NRXN1: variants seen among roughly 807,000 people sequenced by gnomAD.
NRXN1 encodes the protein neurexin 1.
A neutral mutation model predicts 150.9 loss-of-function variants in NRXN1; 39 were observed. The ratio of observed to expected loss-of-function variants is 0.26; its 90% CI spans 0.20 to 0.34. The LOEUF is 0.34. Ranked by LOEUF, NRXN1 falls within the 10% of genes least tolerant of loss-of-function variation. The pLI is 1.00. For synonymous variants in NRXN1, 924 were observed against 757.0 expected, an observed-to-expected ratio of 1.22 and a Z score of -3.62; for missense variants, 1,815 against 1,949.9, an observed-to-expected ratio of 0.93 and a Z score of 1.30.
rs1223269116 is a variant in NRXN1 at position 51,025,363 on chromosome 2, T to C, written c.772+2139A>G. 5.3e-5 allele frequency among the ~76,000 whole-genome samples: 8 copies of C among 152,350 alleles called. No individual in the cohort carries two copies. In the South Asian group the frequency reaches 6.2e-4, roughly 12 times the overall value. On this transcript the variant is annotated intron_variant, in intron 2 of 22. Transcript: ENST00000401669. ...CTATCCATTTGCAAAATAAAATGCA[T>C]TTCAGATACATCTAATTCTGCTTCT...
At chr2:50,456,736 C>T (rs1298741235) in intron 17 of NRXN1, among the ~76,000 whole-genome samples, 1 of 152,006 alleles carries the variant, frequency 6.6e-6, no homozygotes, top group Non-Finnish European at 1.5e-5. Context: ...CCTTGGTCTT[C>T]ACTATTAATC....
chr2:51,008,675 C>T (rs878958263), intron 2 of NRXN1, among the ~76,000 whole-genome samples: 18 of 151,588 alleles, frequency 1.2e-4, no homozygotes, highest in Admixed American at 5.9e-4. Flanking sequence ...CTCAAAGATA[C>T]TAAAAGCATC....
At chr2:50,043,636 G>A (rs1431361374) in intron 21 of NRXN1, among the ~76,000 whole-genome samples, 3 of 152,178 alleles carry the variant, frequency 2.0e-5, no homozygotes, top group African/African-American at 4.8e-5. Flanking sequence ...CTCAGGGACA[G>A]CTGATGCAAA....
At chr2:50,827,768 G>T (rs1025794173) in intron 5 of NRXN1, among the ~76,000 whole-genome samples, 2 of 151,410 alleles carry the variant, frequency 1.3e-5, no homozygotes, top group Admixed American at 1.3e-4. Flanking sequence ...CGCAGTGTTT[G>T]TGTCCCTGGG....
At chr2:50,601,162 A>G (rs1676203844) in intron 8 of NRXN1, among the ~76,000 whole-genome samples, 1 of 152,170 alleles carries the variant, frequency 6.6e-6, no homozygotes, top group African/African-American at 2.4e-5. Flanking sequence ...TTATTTCCCT[A>G]AACAGTATGA....
At chr2:50,606,726 T>G (rs139170049) in intron 8 of NRXN1, among the ~76,000 whole-genome samples, 80 of 152,100 alleles carry the variant, frequency 5.3e-4, no homozygotes, top group African/African-American at 1.8e-3. Flanking sequence ...CAGTCAGTTC[T>G]TCCCTCTCAG....
chr2:50,991,673 G>A (rs945312208), intron 2 of NRXN1, among the ~76,000 whole-genome samples: 1 of 151,948 alleles, frequency 6.6e-6, no homozygotes, highest in Non-Finnish European at 1.5e-5. Flanking sequence ...ATGGAAAATA[G>A]AACCAGAAAA....
chr2:51,011,690 A>G (rs1667896311), intron 2 of NRXN1, among the ~76,000 whole-genome samples: 1 of 152,048 alleles, frequency 6.6e-6, no homozygotes, highest in Non-Finnish European at 1.5e-5. Flanking sequence ...TTGAAAGAAA[A>G]TGGTAAGAAA....
At chr2:50,224,844 C>T (rs920632360) in intron 18 of NRXN1, among the ~76,000 whole-genome samples, 1 of 151,724 alleles carries the variant, frequency 6.6e-6, no homozygotes, top group Non-Finnish European at 1.5e-5. Context: ...CTAGTGGATT[C>T]TTCTCTTCTC....
At chr2:50,870,894 C>G (rs1436597183) in intron 5 of NRXN1, among the ~76,000 whole-genome samples, 1 of 151,892 alleles carries the variant, frequency 6.6e-6, no homozygotes, top group African/African-American at 2.4e-5. Flanking sequence ...ACAACATCCT[C>G]AGAAGTTACT....
intron 2 of NRXN1, among the ~76,000 whole-genome samples, chr2:50,963,203 A>C (rs1293481928): frequency 6.6e-6 from 1 of 151,804 alleles, no homozygotes; most frequent in African/African-American, 2.4e-5. Flanking sequence ...CACAACACTT[A>C]CCAGGATGCT....
intron 18 of NRXN1, among the ~76,000 whole-genome samples, chr2:50,134,648 A>G (rs960798356): frequency 6.6e-6 from 1 of 152,196 alleles, no homozygotes; most frequent in Non-Finnish European, 1.5e-5. Flanking sequence ...GACACCAAGC[A>G]TAAGAAATCA....
chr2:50,236,113 G>C (rs191905237), intron 18 of NRXN1, among the ~76,000 whole-genome samples: 1 of 151,972 alleles, frequency 6.6e-6, no homozygotes, highest in Admixed American at 6.6e-5. Flanking sequence ...GGAAAATGAA[G>C]TTTTTCATTC....
At chr2:50,315,907 A>G (rs764120384) in intron 17 of NRXN1, among the ~76,000 whole-genome samples, 22 of 152,108 alleles carry the variant, frequency 1.4e-4, no homozygotes, top group Admixed American at 2.6e-4. Context: ...GTAAGACAGA[A>G]GAATAAAGTT....
chr2:49,988,575 T>A (rs1306275501), intron 21 of NRXN1, among the ~76,000 whole-genome samples: 1 of 150,856 alleles, frequency 6.6e-6, no homozygotes, highest in Non-Finnish European at 1.5e-5. Flanking sequence ...TCTTAGACAT[T>A]TTACCCTCCT....
intron 17 of NRXN1, among the ~76,000 whole-genome samples, chr2:50,372,101 A>C (rs1017652988): frequency 4.6e-5 from 7 of 152,046 alleles, no homozygotes; most frequent in Admixed American, 1.3e-4. Flanking sequence ...TTCCTGTTAC[A>C]TTTCTTCTTC....
At chr2:50,483,142 G>A (rs1423136854) in intron 15 of NRXN1, among the ~76,000 whole-genome samples, 1 of 150,346 alleles carries the variant, frequency 6.7e-6, no homozygotes, top group African/African-American at 2.5e-5. Context: ...CTCACTATAT[G>A]CTAATTATAA....
Position 50,997,834 on chromosome 2 carries a change from G to C in NRXN1, c.772+29668C>G, listed in dbSNP as rs1699524709. On this transcript the variant is annotated intron_variant, in intron 2 of 22. Transcript: ENST00000401669. ...CATTTTCATTTAGACAATTTAATTT[G>C]GAACAATTGGAGCAATGCTTCTGAA... Among the ~76,000 whole-genome samples, 2 of 141,662 alleles carry C rather than the reference G, an allele frequency of 1.4e-5. 1 individual carries two copies. Among genetic ancestry groups the C allele is most frequent in the African/African-American group, 5.9e-5 (2 of 33,640 alleles). The allele number at this position is 141,662 out of a possible 152,430, so 92.9% of individuals were successfully genotyped here.
intron 17 of NRXN1, among the ~76,000 whole-genome samples, chr2:50,352,925 C>G (rs2078530510): frequency 6.6e-6 from 1 of 151,824 alleles, no homozygotes; most frequent in African/African-American, 2.4e-5. Context: ...TTGAGGAACA[C>G]TTTCACCTCC....
Sources: gnomAD v4.1 joint callset for allele counts (sites outside exome capture counted in the v4.1 genomes callset) on GRCh38, gnomAD v4.1.1 for gene constraint, MANE v1.5 for transcripts, NCBI Gene and HGNC (gene_info 2026-07-23, HGNC 2026-07-21) for gene names.